Variants in CFAP61 observed in about 807,000 individuals in gnomAD.
The protein encoded by CFAP61 is cilia- and flagella-associated protein 61.
In CFAP61, 107 loss-of-function variants were observed where a neutral mutation model predicts 135.6. That is an observed-to-expected ratio of 0.79 (90% CI 0.67 to 0.93). The LOEUF (loss-of-function observed/expected upper bound fraction) is 0.93. Among genes scored for constraint, CFAP61 ranks in the 40% least tolerant of loss-of-function variants. The probability of loss-of-function intolerance (pLI) is 0.00; values close to 1 mark genes in which losing one functional copy is unlikely to be tolerated. For missense variants in CFAP61, 1,507 were observed against 1,556.2 expected (o/e 0.97, Z 0.53); for synonymous variants, 575 against 578.5 (o/e 0.99, Z 0.09).
chr20:20,113,742 T>C (rs2048949507), intron 8 of CFAP61, among the ~76,000 whole-genome samples: 2 of 152,150 alleles, frequency 1.3e-5, no homozygotes, highest in South Asian at 4.1e-4. Flanking sequence ...GAAAAGGTCA[T>C]TCTTTCCCCC....
chr20:20,253,581 A>G, intron 20 of CFAP61: 2 of 493,574 alleles, frequency 4.1e-6, no homozygotes, highest in Non-Finnish European at 8.1e-6. Context: ...CATGTGCAGC[A>G]AACATTCAGC....
At chr20:20,293,431 T>C (rs907275730) in intron 24 of CFAP61, among the ~76,000 whole-genome samples, 2 of 152,210 alleles carry the variant, frequency 1.3e-5, no homozygotes, top group African/African-American at 2.4e-5. Context: ...TCCATTTTAT[T>C]ATCCAAGAAA....
At chr20:20,216,599 A>G (rs1350577477) in intron 17 of CFAP61, among the ~76,000 whole-genome samples, 1 of 152,216 alleles carries the variant, frequency 6.6e-6, no homozygotes, top group Non-Finnish European at 1.5e-5. Flanking sequence ...CTGATTAATT[A>G]CAGCAGTATT....
chr20:20,277,132 A>G (rs541210970), intron 21 of CFAP61, 34 bp from the exon 22 acceptor site: 1 of 1,534,900 alleles, frequency 6.5e-7, no homozygotes, highest in East Asian at 2.3e-5. Context: ...GGTTTTCTGA[A>G]CTGTATATCT....
chr20:20,098,387 A>G (rs2047738671), intron 7 of CFAP61, among the ~76,000 whole-genome samples: 1 of 151,726 alleles, frequency 6.6e-6, no homozygotes, highest in African/African-American at 2.4e-5. Flanking sequence ...AGGTGGGTGG[A>G]TCACTTGAGG....
At chr20:20,278,597 G>A (rs1245324106) in intron 22 of CFAP61, among the ~76,000 whole-genome samples, 1 of 152,126 alleles carries the variant, frequency 6.6e-6, no homozygotes, top group South Asian at 2.1e-4. Flanking sequence ...GCCATTTAGG[G>A]GCAGGCATTC....
At chr20:20,289,288 TC>T (rs1171640762) in intron 23 of CFAP61, among the ~76,000 whole-genome samples, 3 of 152,160 alleles carry the variant, frequency 2.0e-5, no homozygotes, top group Admixed American at 2.0e-4. Flanking sequence ...ACTTCCATTC[TC>T]TCTGTAAGTT....
intron 6 of CFAP61, among the ~76,000 whole-genome samples, chr20:20,090,065 G>T (rs983964174): frequency 1.3e-5 from 2 of 152,214 alleles, no homozygotes; most frequent in African/African-American, 4.8e-5. Context: ...CTGAGAGGAT[G>T]CTCGGGACAA....
intron 20 of CFAP61, chr20:20,258,475 G>A (rs1175982149): frequency 6.6e-6 from 1 of 152,122 alleles, no homozygotes; most frequent in Non-Finnish European, 1.5e-5. Flanking sequence ...AGCGAGGGAG[G>A]GGCTCCGTCA....
intron 1 of CFAP61, chr20:20,056,145 C>G: frequency 1.5e-6 from 1 of 652,612 alleles, no homozygotes; most frequent in Non-Finnish European, 2.6e-6. Context: ...CGAGCATTTC[C>G]TACACTTAAC....
At chr20:20,054,013 G>GTT (rs1239349657) in intron 1 of CFAP61, among the ~76,000 whole-genome samples, 12 of 59,098 alleles carry the variant, frequency 2.0e-4, no homozygotes, top group Non-Finnish European at 3.2e-4. Context: ...TTTTTTGTTT[G>GTT]TTTTTTTTTT....
At chr20:20,129,040 T>C (rs974817590) in intron 8 of CFAP61, among the ~76,000 whole-genome samples, 3 of 151,662 alleles carry the variant, frequency 2.0e-5, no homozygotes, top group African/African-American at 4.9e-5. Flanking sequence ...ATAACTATTA[T>C]TGTTTTTGAC....
chr20:20,166,741 C>CTGTTA (rs11471552), intron 12 of CFAP61, among the ~76,000 whole-genome samples: 136,580 of 151,942 alleles, frequency 0.9, 62,209 homozygotes, highest in Middle Eastern at 0.98. Context: ...GTGAATGACA[C>CTGTTA]TGTTATTTTA....
At chr20:20,265,010 G>A (rs952277416) in intron 21 of CFAP61, among the ~76,000 whole-genome samples, 1 of 152,180 alleles carries the variant, frequency 6.6e-6, no homozygotes, top group African/African-American at 2.4e-5. Context: ...GCAGGTTTGT[G>A]TTCTGATAAA....
At chr20:20,157,056 A>G (rs146917149) in intron 9 of CFAP61, among the ~76,000 whole-genome samples, 113 of 152,290 alleles carry the variant, frequency 7.4e-4, no homozygotes, top group African/African-American at 2.6e-3. Context: ...GTAGGATAAC[A>G]CTAACTGATT....
In CFAP61 at chr20:20,172,887, T is replaced by C. The variant is rs539965173; in HGVS notation, c.1385+3427T>C. ...GTATAATGACATGTATCCACTGTTA[T>C]GATAGCACACAGAATAGTTTTACTC... On this transcript the variant is annotated intron_variant, in intron 13 of 26. Coordinates refer to ENST00000245957, the MANE Select transcript of CFAP61 (RefSeq NM_015585.4). 1.2e-4 allele frequency among the ~76,000 whole-genome samples: 19 copies of C among 152,362 alleles called. No individual in the cohort carries two copies. In the East Asian group the frequency reaches 3.5e-3, roughly 28 times the overall value.
At chr20:20,174,265 G>C (rs998422781) in intron 13 of CFAP61, among the ~76,000 whole-genome samples, 4 of 152,048 alleles carry the variant, frequency 2.6e-5, no homozygotes, top group African/African-American at 7.2e-5. Flanking sequence ...CCAGTTTGTC[G>C]CCAGCGCACC....
chr20:20,135,071 C>T (rs6035558), intron 8 of CFAP61, among the ~76,000 whole-genome samples: 2 of 151,776 alleles, frequency 1.3e-5, no homozygotes, highest in Non-Finnish European at 2.9e-5. Context: ...CACAGGCATC[C>T]TGTGATAAGG....
chr20:20,320,837 A>G (rs1039593724), intron 25 of CFAP61, among the ~76,000 whole-genome samples: 18 of 151,818 alleles, frequency 1.2e-4, no homozygotes, highest in African/African-American at 4.4e-4. Flanking sequence ...GGGGCAATGT[A>G]GAGAAGTCCC....
Sources: allele counts gnomAD v4.1 joint callset (sites outside exome capture counted in the v4.1 genomes callset), GRCh38; gene constraint gnomAD v4.1.1; transcripts MANE v1.5; gene names NCBI Gene and HGNC (gene_info 2026-07-23, HGNC 2026-07-21).